The following GGPS1 variants were observed in gnomAD, a reference collection of about 807,000 sequenced individuals.
GGPS1 encodes geranylgeranyl diphosphate synthase 1.
Under a neutral mutation model 28.1 loss-of-function variants are expected in GGPS1, and 15 were observed. The observed-to-expected ratio is 0.53, with a 90% CI of 0.36 to 0.82. The LOEUF (loss-of-function observed/expected upper bound fraction) is 0.82. GGPS1 is among the 40% of genes least tolerant of loss of function. GGPS1 has a pLI of 0.01. For missense variants in GGPS1, 284 were observed against 348.3 expected, an observed-to-expected ratio of 0.82 and a Z score of 1.47; for synonymous variants, 138 against 122.4, an observed-to-expected ratio of 1.13 and a Z score of -0.84.
chr1:235,338,184 C>G (rs534094865), intron 2 of GGPS1, among the ~76,000 whole-genome samples: 2 of 152,094 alleles, frequency 1.3e-5, no homozygotes, highest in African/African-American at 4.8e-5. Flanking sequence ...AGTTCAAGAC[C>G]AGCCTGGGCA....
intron 1 of GGPS1, chr1:235,329,907 T>A (rs1675647347): frequency 6.6e-6 from 1 of 152,228 alleles, no homozygotes; most frequent in Admixed American, 6.5e-5. Context: ...TTTGTATTAA[T>A]GATTATGGAT....
chr1:235,342,148 T>C lies in GGPS1; in HGVS notation c.279T>C (p.Asn93=), dbSNP rs1364435379. Reference sequence around the variant, plus strand: ...TCCCATCTGTCATCAATTCTGCCAATTACGTGTATTTCCTTGGCTTGGAGA... The same window carrying C: ...TCCCATCTGTCATCAATTCTGCCAACTACGTGTATTTCCTTGGCTTGGAGA... The part of the protein sequence containing the change: ...YGIPSVINSA[N]YVYFLGLEKV... Residue 93 remains asparagine (N), a synonymous_variant, in exon 4 of 4, where the codon AAT becomes AAC. Coordinates refer to ENST00000282841, the MANE Select transcript of GGPS1 (RefSeq NM_004837.4). 2 of 1,614,116 alleles carry C rather than the reference T, an allele frequency of 1.2e-6. 1 individual carries two copies. Among genetic ancestry groups the C allele is most frequent in the South Asian group, 2.2e-5 (2 of 91,076 alleles).
intron 1 of GGPS1, among the ~76,000 whole-genome samples, chr1:235,334,585 A>G (rs1173722211): frequency 4.6e-5 from 7 of 152,244 alleles, no homozygotes; most frequent in Non-Finnish European, 1.0e-4. Flanking sequence ...TGTACTCATT[A>G]GCAATTAGTC....
At chr1:235,332,499 A>G (rs915536730) in intron 1 of GGPS1, among the ~76,000 whole-genome samples, 1 of 152,136 alleles carries the variant, frequency 6.6e-6, no homozygotes, top group African/African-American at 2.4e-5. Context: ...CCATATCTTT[A>G]CTATTGTGAA....
intron 2 of GGPS1, among the ~76,000 whole-genome samples, chr1:235,340,677 A>C (rs1473295509): frequency 1.5e-5 from 2 of 133,888 alleles, no homozygotes; most frequent in African/African-American, 5.5e-5. Flanking sequence ...CGGAGCTTGC[A>C]GTGAGCCGAG....
At chr1:235,327,295 G>A (rs928244076), upstream of GGPS1, 20 of 160,234 alleles carry the variant, frequency 1.2e-4, no homozygotes, top group Non-Finnish European at 1.9e-4. Flanking sequence ...TCTCCCCTAG[G>A]GCCTCGGCGC....
At chr1:235,327,722 A>G (rs912228362), upstream of GGPS1, 1 of 152,390 alleles carries the variant, frequency 6.6e-6, no homozygotes, top group African/African-American at 2.4e-5. Flanking sequence ...GCGACTCCCA[A>G]AAGAACCCCC....
At chr1:235,327,749 G>A (rs1572259318), upstream of GGPS1, 2 of 152,568 alleles carry the variant, frequency 1.3e-5, no homozygotes, top group South Asian at 4.1e-4. Context: ...GACCACGAAA[G>A]CCCCAGAAAA....
Position 235,343,543 on chromosome 1 carries a change from T to TC in GGPS1, c.*773dup, listed in dbSNP as rs889451238. 3.2e-5 allele frequency: 5 copies of TC among 154,808 alleles called. No homozygotes were observed. The highest frequency in any genetic ancestry group is 1.2e-4 in the African/African-American group (5 of 40,862). 9.6% of individuals were successfully genotyped at this position (154,808 alleles called of 1,614,324 possible). On this transcript the variant is annotated 3_prime_UTR_variant, in exon 4 of 4. Transcript: ENST00000282841. ...TCCAGCCTGGGTGACAGAGCGAGAC[T>TC]CCGTCTCAAAAAAAAGGGCTGATAA...
chr1:235,338,107 G>T (rs959001486), intron 2 of GGPS1, among the ~76,000 whole-genome samples: 7 of 152,084 alleles, frequency 4.6e-5, no homozygotes, highest in African/African-American at 1.4e-4. Context: ...TCAGCCAGGC[G>T]CGGTGGCTCA....
chr1:235,339,361 G>A (rs1180724296), intron 2 of GGPS1, among the ~76,000 whole-genome samples: 2 of 151,994 alleles, frequency 1.3e-5, no homozygotes, highest in African/African-American at 4.8e-5. Context: ...CCAGCTACTC[G>A]GGAGGCTGAG....
chr1:235,342,792 G>A lies in GGPS1; in HGVS notation c.*20G>A, dbSNP rs559438910. On this transcript the variant is annotated 3_prime_UTR_variant, in exon 4 of 4. Transcript: ENST00000282841. ...GAATAATGTTAAGCCATTCTTGATTGGACCTCATAGCTTATTTTAGTTAAT... is the reference window on the plus strand; with the variant it reads ...GAATAATGTTAAGCCATTCTTGATTAGACCTCATAGCTTATTTTAGTTAAT... The A allele has an allele frequency of 2.0e-6, 3 of 1,481,572 alleles. No homozygotes were observed. Among genetic ancestry groups the A allele is most frequent in the Non-Finnish European group, 2.7e-6 (3 of 1,092,168 alleles). The allele number at this position is 1,481,572 out of a possible 1,614,324, so 91.8% of individuals were successfully genotyped here. A position where few individuals can be genotyped will look rare whatever the true frequency, so the allele number is the denominator to read the frequency against.
At chr1:235,338,797 T>A (rs568915238) in intron 2 of GGPS1, among the ~76,000 whole-genome samples, 2 of 152,130 alleles carry the variant, frequency 1.3e-5, no homozygotes, top group East Asian at 3.9e-4. Flanking sequence ...GCCTAGGAGG[T>A]CAAGGCTGCA....
At chr1:235,339,262 G>T (rs564935057) in intron 2 of GGPS1, among the ~76,000 whole-genome samples, 132 of 151,190 alleles carry the variant, frequency 8.7e-4, no homozygotes, top group African/African-American at 3.0e-3. Context: ...TCGTGACACT[G>T]TACCCCAGCC....
intron 2 of GGPS1, 113 bp downstream of exon 2, chr1:235,335,447 G>A (rs1675835574): frequency 1.2e-5 from 7 of 565,436 alleles, no homozygotes; most frequent in Non-Finnish European, 2.2e-5. Flanking sequence ...TCTATTTAAG[G>A]TGATGCGTAT....
chr1:235,329,250 T>C (rs971119272), intron 1 of GGPS1: 4 of 152,256 alleles, frequency 2.6e-5, no homozygotes, highest in Non-Finnish European at 4.4e-5. Flanking sequence ...GGATGTTCAC[T>C]TCTTAGACGC....
At chr1:235,332,598 C>T (rs1675751334) in intron 1 of GGPS1, among the ~76,000 whole-genome samples, 1 of 152,102 alleles carries the variant, frequency 6.6e-6, no homozygotes, top group Admixed American at 6.6e-5. Flanking sequence ...TTTGGATTTG[C>T]TTGGCTGCAT....
chr1:235,339,343 C>G (rs918495751), intron 2 of GGPS1, among the ~76,000 whole-genome samples: 7 of 152,016 alleles, frequency 4.6e-5, no homozygotes, highest in African/African-American at 1.5e-4. Context: ...TGACGCACAC[C>G]TGTAATCCCA....
At chr1:235,341,897 C>G (rs1676055033) in intron 3 of GGPS1, 114 bp from the exon 4 acceptor site, 1 of 873,438 alleles carries the variant, frequency 1.1e-6, no homozygotes, top group Non-Finnish European at 1.8e-6. Flanking sequence ...ATTGAGGTTG[C>G]TAAATATTTA....
Sources: allele counts gnomAD v4.1 joint callset (sites outside exome capture counted in the v4.1 genomes callset), GRCh38; gene constraint gnomAD v4.1.1; transcripts MANE v1.5; gene names NCBI Gene and HGNC (gene_info 2026-07-23, HGNC 2026-07-21).